Variants in ANKS1B observed in about 807,000 individuals in gnomAD.
The protein encoded by ANKS1B is ankyrin repeat and sterile alpha motif domain containing 1B, also known as ankyrin repeat and sterile alpha motif domain-containing protein 1B.
Under a neutral mutation model 148.3 loss-of-function variants are expected in ANKS1B, and 36 were observed. The ratio of observed to expected loss-of-function variants is 0.24; its 90% CI spans 0.19 to 0.32. The LOEUF is 0.32. ANKS1B is among the 10% of genes least tolerant of loss of function. The pLI, the probability that ANKS1B is intolerant of heterozygous loss-of-function variation, is 1.00. For synonymous variants in ANKS1B, 542 were observed against 560.8 expected, an observed-to-expected ratio of 0.97 and a Z score of 0.47; for missense variants, 1,157 against 1,542.6, an observed-to-expected ratio of 0.75 and a Z score of 4.19.
At chr12:99,906,380 A>C (rs10860536) in intron 1 of ANKS1B, among the ~76,000 whole-genome samples, 26 of 152,150 alleles carry the variant, frequency 1.7e-4, no homozygotes, top group Non-Finnish European at 1.8e-4. Flanking sequence ...GTCCAAACAA[A>C]GTCTTCCCAA....
chr12:99,215,821 A>G (rs2084083024), intron 14 of ANKS1B, among the ~76,000 whole-genome samples: 1 of 152,098 alleles, frequency 6.6e-6, no homozygotes, highest in Non-Finnish European at 1.5e-5. Flanking sequence ...GTCTCAGATG[A>G]GACTTTGGAC....
chr12:99,870,655 A>G (rs1228129651), intron 1 of ANKS1B, among the ~76,000 whole-genome samples: 1 of 151,932 alleles, frequency 6.6e-6, no homozygotes, highest in African/African-American at 2.4e-5. Flanking sequence ...TTTTGATTTG[A>G]ATTTCTCTGA....
chr12:99,739,599 G>A lies in ANKS1B; in HGVS notation c.1128+33323C>T, dbSNP rs771327419. Among the ~76,000 whole-genome samples the A allele has an allele frequency of 1.6e-4, 25 of 152,010 alleles. 1 individual carries two copies. The South Asian group carries it at 2.7e-3, about 16-fold the overall frequency. On this transcript the variant is annotated intron_variant, in intron 8 of 26. Transcript: ENST00000683438. ...AAACAAAACTAAAAATATTTCTAGC[G>A]GCCCATAATGTCCCAGATGAAAACT... is the stretch of plus-strand genomic sequence containing the variant.
intron 17 of ANKS1B, among the ~76,000 whole-genome samples, chr12:99,050,017 T>C (rs191408747): frequency 6.6e-6 from 1 of 152,320 alleles, no homozygotes; most frequent in Non-Finnish European, 1.5e-5. Context: ...AGCGACTCAT[T>C]ACAATGGTTC....
At chr12:98,974,219 C>G (rs2099887830) in intron 17 of ANKS1B, among the ~76,000 whole-genome samples, 1 of 152,130 alleles carries the variant, frequency 6.6e-6, no homozygotes, top group Non-Finnish European at 1.5e-5. Context: ...CTCCAAAATC[C>G]AGCTCAGTGT....
chr12:98,874,258 G>C (rs1595982909), intron 17 of ANKS1B, among the ~76,000 whole-genome samples: 1 of 151,848 alleles, frequency 6.6e-6, no homozygotes, highest in African/African-American at 2.4e-5. Flanking sequence ...TTAACATCTA[G>C]AGGGAATAAA....
At chr12:99,030,312 G>A (rs2099951239) in intron 17 of ANKS1B, among the ~76,000 whole-genome samples, 1 of 152,092 alleles carries the variant, frequency 6.6e-6, no homozygotes, top group African/African-American at 2.4e-5. Flanking sequence ...GGTGATGGTG[G>A]GGGCGACTGG....
chr12:99,072,919 G>A (rs551236111), intron 16 of ANKS1B, among the ~76,000 whole-genome samples: 3 of 152,266 alleles, frequency 2.0e-5, no homozygotes, highest in Non-Finnish European at 4.4e-5. Flanking sequence ...CTGGCATGCA[G>A]TAAGTGGTTT....
At chr12:99,690,421 C>A (rs2098673125) in intron 8 of ANKS1B, among the ~76,000 whole-genome samples, 1 of 152,158 alleles carries the variant, frequency 6.6e-6, no homozygotes, top group African/African-American at 2.4e-5. Flanking sequence ...AAAGTCTCAT[C>A]TGAGACAAGG....
At chr12:99,192,695 T>C (rs2080892323) in intron 14 of ANKS1B, among the ~76,000 whole-genome samples, 1 of 152,052 alleles carries the variant, frequency 6.6e-6, no homozygotes, top group Non-Finnish European at 1.5e-5. Flanking sequence ...TTGCCCAAAA[T>C]AAAGCATGAC....
chr12:99,592,443 A>G (rs2097712253), intron 9 of ANKS1B, among the ~76,000 whole-genome samples: 4 of 151,764 alleles, frequency 2.6e-5, no homozygotes, highest in Admixed American at 2.6e-4. Context: ...AACTCAAAAG[A>G]GGAATCTGAC....
At chr12:99,101,537 GGAGGTA>G (rs1168186345) in intron 15 of ANKS1B, among the ~76,000 whole-genome samples, 1 of 152,152 alleles carries the variant, frequency 6.6e-6, no homozygotes, top group African/African-American at 2.4e-5. Flanking sequence ...GACTTTCAGA[GGAGGTA>G]GAGGGTTTGG....
At chr12:99,393,069 A>C (rs1017431180) in intron 12 of ANKS1B, among the ~76,000 whole-genome samples, 5 of 151,194 alleles carry the variant, frequency 3.3e-5, no homozygotes, top group African/African-American at 1.2e-4. Context: ...ATATGTAGAT[A>C]GATTGATAGA....
intron 8 of ANKS1B, among the ~76,000 whole-genome samples, chr12:99,705,210 C>T (rs2055543877): frequency 6.6e-6 from 1 of 152,108 alleles, no homozygotes; most frequent in Non-Finnish European, 1.5e-5. Flanking sequence ...CTATCCGTCC[C>T]TCAATCTTGC....
chr12:99,845,580 C>T (rs780111950), intron 1 of ANKS1B, among the ~76,000 whole-genome samples: 3 of 152,114 alleles, frequency 2.0e-5, no homozygotes, highest in Non-Finnish European at 2.9e-5. Flanking sequence ...CTGAGTTGAT[C>T]GTGGTAGATA....
intron 1 of ANKS1B, among the ~76,000 whole-genome samples, chr12:99,947,890 C>A (rs2095110295): frequency 1.3e-5 from 2 of 152,186 alleles, no homozygotes; most frequent in Non-Finnish European, 2.9e-5. Context: ...TCTGGCCCTG[C>A]ATGTGCTCAT....
intron 17 of ANKS1B, among the ~76,000 whole-genome samples, chr12:98,869,296 C>T (rs2099641249): frequency 6.6e-6 from 1 of 152,186 alleles, no homozygotes; most frequent in Non-Finnish European, 1.5e-5. Context: ...GATGAAGTTT[C>T]TGTCTCCACC....
chr12:99,303,777 C>T lies in ANKS1B; in HGVS notation c.1757-56913G>A, dbSNP rs78634054. Among the ~76,000 whole-genome samples, 1,113 of 152,194 alleles carry T rather than the reference C, an allele frequency of 7.3e-3. 13 individuals are homozygous for T. The highest frequency in any genetic ancestry group is 0.025 in the African/African-American group (1,043 of 41,536). ...TCAATGTGTAGTCTTTTATCCCTCACCCACCTCACTCTTCCCCACAAGTCC... is the reference window on the plus strand; with the variant it reads ...TCAATGTGTAGTCTTTTATCCCTCATCCACCTCACTCTTCCCCACAAGTCC... On this transcript the variant is annotated intron_variant, in intron 12 of 26. Coordinates refer to ENST00000683438, the MANE Select transcript of ANKS1B (RefSeq NM_001352186.2).
rs764102141 is a variant in ANKS1B, at chr12:99,775,671, T to A, written c.848-10A>T. The A allele has an allele frequency of 1.4e-6, 2 of 1,474,678 alleles. No individual in the cohort carries two copies. The highest frequency in any genetic ancestry group is 2.8e-5 in the African/African-American group (2 of 72,624). The allele number at this position is 1,474,678 out of a possible 1,614,324, so 91.3% of individuals were successfully genotyped here. A position where few individuals can be genotyped will look rare whatever the true frequency, so the allele number is the denominator to read the frequency against. Reference sequence around the variant, plus strand: ...ACGCCTTCTAAATACTCTGTGTGTATACATTTTTGAGATTACATACTTGAA... The same window carrying A: ...ACGCCTTCTAAATACTCTGTGTGTAAACATTTTTGAGATTACATACTTGAA... On this transcript the variant is annotated splice_polypyrimidine_tract_variant and intron_variant, in intron 6 of 26. Transcript: ENST00000683438.
Sources: gnomAD v4.1 joint callset for allele counts (sites outside exome capture counted in the v4.1 genomes callset) on GRCh38, gnomAD v4.1.1 for gene constraint, MANE v1.5 for transcripts, NCBI Gene and HGNC (gene_info 2026-07-23, HGNC 2026-07-21) for gene names.